The following SLC4A4 variants were observed in gnomAD, a reference collection of about 807,000 sequenced individuals.
SLC4A4 encodes the protein solute carrier family 4 member 4.
A neutral mutation model predicts 111.5 loss-of-function variants in SLC4A4; 27 were observed. The ratio of observed to expected loss-of-function variants is 0.24; its 90% CI spans 0.18 to 0.33. The LOEUF (loss-of-function observed/expected upper bound fraction) is 0.33. SLC4A4 is among the 10% of genes least tolerant of loss of function. The pLI is 1.00. For synonymous variants in SLC4A4, 443 were observed against 463.4 expected (o/e 0.96, Z 0.57); for missense variants, 909 against 1,315.5 (o/e 0.69, Z 4.78).
chr4:71,301,142 C>A, intron 3 of SLC4A4: 1 of 340,066 alleles, frequency 2.9e-6, no homozygotes, highest in Non-Finnish European at 5.8e-6. Context: ...GGGATGGGCA[C>A]CACACGTGGC....
chr4:71,307,640 T>C (rs971712990), intron 3 of SLC4A4, among the ~76,000 whole-genome samples: 8 of 152,208 alleles, frequency 5.3e-5, no homozygotes, highest in East Asian at 1.9e-4. Flanking sequence ...TGCTACAAAT[T>C]AGTTTAGATA....
intron 14 of SLC4A4, 62 bp from the exon 15 acceptor site, chr4:71,486,886 T>C: frequency 1.1e-6 from 1 of 880,862 alleles, no homozygotes; most frequent in Admixed American, 2.0e-5. Context: ...TACCTAATTA[T>C]GCATTTAAGG....
intron 3 of SLC4A4, among the ~76,000 whole-genome samples, chr4:71,316,885 C>T (rs1256776166): frequency 6.6e-6 from 1 of 152,082 alleles, no homozygotes; most frequent in Non-Finnish European, 1.5e-5. Flanking sequence ...GACATGATCT[C>T]ATTCTATGAA....
chr4:71,359,981 CAGCTCTAATCT>C (rs1730622057), intron 6 of SLC4A4, among the ~76,000 whole-genome samples: 1 of 152,136 alleles, frequency 6.6e-6, no homozygotes, highest in Admixed American at 6.5e-5. Context: ...GTACTGGAGT[CAGCTCTAATCT>C]GCTCGGGAGA....
intron 6 of SLC4A4, among the ~76,000 whole-genome samples, chr4:71,386,909 G>A (rs182896661): frequency 6.6e-6 from 1 of 152,282 alleles, no homozygotes; most frequent in Admixed American, 6.5e-5. Context: ...TAAGCAGGAG[G>A]CATAATTCTG....
At chr4:71,484,411 T>G (rs1379877650) in intron 14 of SLC4A4, among the ~76,000 whole-genome samples, 1 of 151,668 alleles carries the variant, frequency 6.6e-6, no homozygotes, top group Admixed American at 6.6e-5. Context: ...GTTATCCCAG[T>G]ACTACTTATT....
intron 1 of SLC4A4, among the ~76,000 whole-genome samples, chr4:71,090,757 C>G (rs142824335): frequency 6.6e-6 from 1 of 152,050 alleles, no homozygotes; most frequent in Non-Finnish European, 1.5e-5. Context: ...CTTTTTCTTC[C>G]GAAATTATTG....
intron 3 of SLC4A4, among the ~76,000 whole-genome samples, chr4:71,317,657 G>T (rs752985568): frequency 6.6e-6 from 1 of 152,038 alleles, no homozygotes; most frequent in Non-Finnish European, 1.5e-5. Flanking sequence ...GAAATCTCCT[G>T]TTTGGACAGT....
intron 13 of SLC4A4, among the ~76,000 whole-genome samples, chr4:71,471,930 A>G (rs949765890): frequency 1.3e-5 from 2 of 151,950 alleles, no homozygotes; most frequent in Admixed American, 6.6e-5. Flanking sequence ...AGCAAGCTTC[A>G]TAAGAAGTGG....
rs190174251 is a variant in SLC4A4 at position 71,381,677 on chromosome 4, A to G, written c.731-15900A>G. On this transcript the variant is annotated intron_variant, in intron 6 of 25. Coordinates refer to ENST00000264485, the MANE Select transcript of SLC4A4 (RefSeq NM_001098484.3). The stretch of plus-strand genomic sequence containing the variant: ...CTCAGCTAGGTGCTGGGAATTTACA[A>G]TGATTAAGGCAGACACAGTCCCTAT... 3.0e-3 allele frequency among the ~76,000 whole-genome samples: 459 copies of G among 152,304 alleles called. 2 individuals are homozygous for G. Among genetic ancestry groups the G allele is most frequent in the Non-Finnish European group, 4.7e-3 (323 of 68,016 alleles).
intron 1 of SLC4A4, among the ~76,000 whole-genome samples, chr4:71,070,272 T>C (rs1046927860): frequency 1.3e-5 from 2 of 152,206 alleles, no homozygotes; most frequent in African/African-American, 4.8e-5. Flanking sequence ...ACAACAAAAG[T>C]TGATTTCTCA....
At chr4:71,122,583 T>TA (rs529822324) in intron 2 of SLC4A4, among the ~76,000 whole-genome samples, 1,948 of 148,528 alleles carry the variant, frequency 0.013, 74 homozygotes, top group Non-Finnish European at 0.01. Flanking sequence ...ATGCCAGGTT[T>TA]AAAAAAAAAA....
At chr4:71,207,089 G>A (rs1717818279) in intron 1 of SLC4A4, among the ~76,000 whole-genome samples, 1 of 152,154 alleles carries the variant, frequency 6.6e-6, no homozygotes, top group South Asian at 2.1e-4. Flanking sequence ...TGTATATTGA[G>A]AACAGTACCA....
intron 6 of SLC4A4, among the ~76,000 whole-genome samples, chr4:71,384,205 C>A (rs911818283): frequency 6.6e-6 from 1 of 152,138 alleles, no homozygotes; most frequent in Non-Finnish European, 1.5e-5. Context: ...AGCTGAATTG[C>A]GTAATTAATC....
chr4:71,380,179 A>T (rs1442629405), intron 6 of SLC4A4, among the ~76,000 whole-genome samples: 1 of 152,142 alleles, frequency 6.6e-6, no homozygotes, highest in Admixed American at 6.6e-5. Flanking sequence ...TGAGAATTAG[A>T]TTCTTTGGTT....
chr4:71,254,665 A>G (rs1413200786), intron 2 of SLC4A4, among the ~76,000 whole-genome samples: 6 of 151,372 alleles, frequency 4.0e-5, no homozygotes, highest in African/African-American at 1.5e-4. Context: ...AAAAAAAAAA[A>G]GTTTTAATGT....
At chr4:71,434,328 C>G (rs954335354) in intron 7 of SLC4A4, 1 of 152,844 alleles carries the variant, frequency 6.5e-6, no homozygotes, top group African/African-American at 2.4e-5. Context: ...TAACATAATA[C>G]AACAATTTTT....
chr4:71,438,938 C>G (rs1460772842), intron 7 of SLC4A4, among the ~76,000 whole-genome samples: 2 of 151,850 alleles, frequency 1.3e-5, no homozygotes, highest in East Asian at 3.9e-4. Context: ...CTTTTCACTT[C>G]TCAACCAGTT....
intron 1 of SLC4A4, among the ~76,000 whole-genome samples, chr4:71,080,391 G>C (rs10805078): frequency 0.61 from 92,271 of 151,840 alleles, 29,433 homozygotes; most frequent in East Asian, 0.76. Context: ...AGGGAAGAAG[G>C]CATGATTCCT....
Sources: gnomAD v4.1 joint callset for allele counts (sites outside exome capture counted in the v4.1 genomes callset) on GRCh38, gnomAD v4.1.1 for gene constraint, MANE v1.5 for transcripts, NCBI Gene and HGNC (gene_info 2026-07-23, HGNC 2026-07-21) for gene names.